Variants in CACNA2D1 observed in about 807,000 individuals in gnomAD.
The protein encoded by CACNA2D1 is calcium voltage-gated channel auxiliary subunit alpha2delta 1, also known as voltage-dependent calcium channel subunit alpha-2/delta-1.
CACNA2D1 carries 53 observed loss-of-function variants against 171.5 expected under a neutral mutation model. The ratio of observed to expected loss-of-function variants is 0.31; its 90% CI spans 0.25 to 0.39. The LOEUF (loss-of-function observed/expected upper bound fraction) is 0.39, where lower values mean the gene tolerates loss of function less well. Ranked by LOEUF, CACNA2D1 falls within the 10% of genes least tolerant of loss-of-function variation. The pLI, the probability that CACNA2D1 is intolerant of heterozygous loss-of-function variation, is 1.00. For synonymous variants in CACNA2D1, 442 were observed against 443.1 expected, an observed-to-expected ratio of 1.00 and a Z score of 0.03; for missense variants, 903 against 1,299.8, an observed-to-expected ratio of 0.69 and a Z score of 4.69.
At chr7:82,169,954 T>G (rs1234675728) in intron 4 of CACNA2D1, among the ~76,000 whole-genome samples, 2 of 151,810 alleles carry the variant, frequency 1.3e-5, no homozygotes, top group East Asian at 1.9e-4. Flanking sequence ...TATAAACTAG[T>G]AACTCTTAGT....
chr7:82,083,427 TTA>T (rs1167805895), intron 7 of CACNA2D1, among the ~76,000 whole-genome samples: 15 of 151,792 alleles, frequency 9.9e-5, no homozygotes, highest in African/African-American at 3.4e-4. Context: ...TTATGTTGTC[TTA>T]TATAAGTATT....
chr7:82,308,273 G>GT (rs1813983452), intron 3 of CACNA2D1, among the ~76,000 whole-genome samples: 1 of 151,940 alleles, frequency 6.6e-6, no homozygotes. Context: ...CTTCCATTGG[G>GT]TCAATCAATG....
intron 3 of CACNA2D1, among the ~76,000 whole-genome samples, chr7:82,333,937 T>C (rs958930167): frequency 6.6e-6 from 1 of 152,090 alleles, no homozygotes; most frequent in African/African-American, 2.4e-5. Flanking sequence ...CACTCTACAA[T>C]ACTAATAATT....
At chr7:82,212,536 C>A (rs748138627) in intron 3 of CACNA2D1, among the ~76,000 whole-genome samples, 2 of 152,120 alleles carry the variant, frequency 1.3e-5, no homozygotes, top group African/African-American at 2.4e-5. Flanking sequence ...TATGTGCTAT[C>A]TTTTATTCAA....
chr7:82,106,523 A>C (rs765684309), intron 6 of CACNA2D1, among the ~76,000 whole-genome samples: 2 of 148,338 alleles, frequency 1.3e-5, no homozygotes, highest in African/African-American at 4.9e-5. Flanking sequence ...GTTTCCTTTT[A>C]ATTTTTTTTT....
At chr7:82,175,504 C>T (rs1796463752) in intron 3 of CACNA2D1, among the ~76,000 whole-genome samples, 1 of 152,042 alleles carries the variant, frequency 6.6e-6, no homozygotes, top group South Asian at 2.1e-4. Flanking sequence ...CTACTATCTT[C>T]ATCAAACGGT....
intron 6 of CACNA2D1, among the ~76,000 whole-genome samples, chr7:82,098,889 A>C (rs541891842): frequency 6.6e-6 from 1 of 152,320 alleles, no homozygotes; most frequent in African/African-American, 2.4e-5. Context: ...AATCCTCAAC[A>C]ATAAAACTAT....
chr7:82,355,806 T>TTCTCCATATATAA (rs201703152), intron 1 of CACNA2D1, among the ~76,000 whole-genome samples: 3 of 151,990 alleles, frequency 2.0e-5, no homozygotes, highest in Non-Finnish European at 2.9e-5. Flanking sequence ...TTTCTACTCC[T>TTCTCCATATATAA]TCTCCATATA....
At chr7:82,095,548 G>A (rs1811750877) in intron 6 of CACNA2D1, among the ~76,000 whole-genome samples, 1 of 152,114 alleles carries the variant, frequency 6.6e-6, no homozygotes, top group Non-Finnish European at 1.5e-5. Flanking sequence ...ATGAGGTGGA[G>A]AAAACATTAT....
chr7:82,418,350 C>A (rs1828387408), intron 1 of CACNA2D1, among the ~76,000 whole-genome samples: 1 of 151,978 alleles, frequency 6.6e-6, no homozygotes, highest in Admixed American at 6.6e-5. Context: ...GGGGACACAG[C>A]CAAACCATAT....
rs3819440 is a variant in CACNA2D1, at chr7:82,196,750, T to G, written c.295-26141A>C. ...TTATATTTGTCAGAAATAAGAGAGA[T>G]AGATAAAGACGATTCAGGATGAGAA... On this transcript the variant is annotated intron_variant, in intron 3 of 38. Coordinates refer to ENST00000356860, the MANE Select transcript of CACNA2D1 (RefSeq NM_000722.4). 4.4e-3 allele frequency among the ~76,000 whole-genome samples: 660 copies of G among 151,444 alleles called. 10 individuals are homozygous for G. The East Asian group carries it at 0.072, about 16-fold the overall frequency.
At chr7:81,974,971 G>A (rs140635591) in intron 24 of CACNA2D1, among the ~76,000 whole-genome samples, 120 of 151,752 alleles carry the variant, frequency 7.9e-4, no homozygotes, top group Non-Finnish European at 1.4e-3. Context: ...AACATGGCAC[G>A]TGTATACCAA....
chr7:81,970,815 G>T, intron 26 of CACNA2D1, 78 bp from the exon 27 acceptor site: 1 of 832,930 alleles, frequency 1.2e-6, no homozygotes, highest in South Asian at 1.3e-5. Flanking sequence ...GTGATACAAA[G>T]AGAAGTAAGT....
intron 3 of CACNA2D1, among the ~76,000 whole-genome samples, chr7:82,197,442 C>T (rs963780781): frequency 6.6e-6 from 1 of 151,990 alleles, no homozygotes; most frequent in African/African-American, 2.4e-5. Context: ...AACTATAAAT[C>T]ATAACATAAA....
intron 10 of CACNA2D1, among the ~76,000 whole-genome samples, chr7:82,046,519 T>TA (rs1403255542): frequency 1.4e-4 from 22 of 152,216 alleles, no homozygotes; most frequent in Admixed American, 9.8e-4. Flanking sequence ...GCCTTGCCTC[T>TA]AATAAGCATT....
intron 3 of CACNA2D1, among the ~76,000 whole-genome samples, chr7:82,286,130 T>C (rs1810734633): frequency 6.6e-6 from 1 of 152,160 alleles, no homozygotes; most frequent in African/African-American, 2.4e-5. Context: ...TCTGCTTATT[T>C]AACATTTGTG....
At chr7:82,242,995 T>C (rs1205656677) in intron 3 of CACNA2D1, among the ~76,000 whole-genome samples, 1 of 152,138 alleles carries the variant, frequency 6.6e-6, no homozygotes, top group East Asian at 1.9e-4. Context: ...CCAGAAACTT[T>C]TTAAAGTATT....
chr7:82,361,506 T>C lies in CACNA2D1; in HGVS notation c.96-11857A>G, dbSNP rs542443203. 2.6e-5 allele frequency among the ~76,000 whole-genome samples: 4 copies of C among 152,276 alleles called. No homozygotes were observed. The East Asian group carries it at 5.8e-4, about 22-fold the overall frequency. On this transcript the variant is annotated intron_variant, in intron 1 of 38. Transcript: ENST00000356860. The stretch of plus-strand genomic sequence containing the variant: ...GTTTTCAACTATTTTTTAATTTGAA[T>C]TGTTAAATGTTTCAAATTATGAAAC...
intron 6 of CACNA2D1, among the ~76,000 whole-genome samples, chr7:82,109,710 C>T (rs1447522457): frequency 6.6e-6 from 1 of 152,096 alleles, no homozygotes; most frequent in Non-Finnish European, 1.5e-5. Context: ...AAAAATTGTT[C>T]TGTTTTATTC....
Sources: gnomAD v4.1 joint callset for allele counts (sites outside exome capture counted in the v4.1 genomes callset) on GRCh38, gnomAD v4.1.1 for gene constraint, MANE v1.5 for transcripts, NCBI Gene and HGNC (gene_info 2026-07-23, HGNC 2026-07-21) for gene names.